The following ATG10 variants were observed in gnomAD, a reference collection of about 807,000 sequenced individuals.
The protein encoded by ATG10 is ubiquitin-like-conjugating enzyme ATG10.
In ATG10, 30 loss-of-function variants were observed where a neutral mutation model predicts 32.1. That is an observed-to-expected ratio of 0.94 (90% CI 0.70 to 1.27). ATG10 has a LOEUF of 1.27. Ranked by LOEUF, ATG10 falls within the 50% of genes most tolerant of loss-of-function variation. ATG10 has a pLI of 0.00. For synonymous variants in ATG10, 87 were observed against 91.5 expected, an observed-to-expected ratio of 0.95 and a Z score of 0.28; for missense variants, 233 against 262.3, an observed-to-expected ratio of 0.89 and a Z score of 0.77.
At chr5:82,143,803 C>T (rs1767242411) in intron 3 of ATG10, among the ~76,000 whole-genome samples, 1 of 152,138 alleles carries the variant, frequency 6.6e-6, no homozygotes, top group Non-Finnish European at 1.5e-5. Context: ...GTTTTCTTTT[C>T]TTGTACTTTC....
intron 3 of ATG10, among the ~76,000 whole-genome samples, chr5:82,137,831 C>T (rs991727148): frequency 2.6e-5 from 4 of 152,198 alleles, no homozygotes; most frequent in African/African-American, 9.7e-5. Context: ...ACCTCTTCCC[C>T]CAGGTGTTCT....
At chr5:82,251,916 C>A (rs1342947962) in intron 5 of ATG10, among the ~76,000 whole-genome samples, 2 of 151,932 alleles carry the variant, frequency 1.3e-5, no homozygotes, top group East Asian at 3.9e-4. Context: ...ATAAAAACAG[C>A]CCTGTAGGCT....
intron 1 of ATG10, among the ~76,000 whole-genome samples, chr5:81,981,192 T>C (rs1761038419): frequency 6.6e-6 from 1 of 152,212 alleles, no homozygotes; most frequent in South Asian, 2.1e-4. Flanking sequence ...TCCAGGTCTT[T>C]TACCAGCCCT....
At chr5:82,123,764 C>CAAAAAAA (rs1178883742) in intron 3 of ATG10, among the ~76,000 whole-genome samples, 2 of 56,810 alleles carry the variant, frequency 3.5e-5, no homozygotes, top group Non-Finnish European at 6.7e-5. Context: ...ACTGTCTGTA[C>CAAAAAAA]AAAAAAAAAA....
chr5:82,236,099 G>A (rs1746541381), intron 5 of ATG10, among the ~76,000 whole-genome samples: 1 of 152,216 alleles, frequency 6.6e-6, no homozygotes. Flanking sequence ...CGCAACAAGT[G>A]CTATTAGGAC....
rs562416447 is a variant in ATG10, at chr5:81,984,518, T to G, written c.-12-3041T>G. 2.0e-5 allele frequency among the ~76,000 whole-genome samples: 3 copies of G among 152,378 alleles called. No homozygotes were observed. The South Asian group carries it at 6.2e-4, about 32-fold the overall frequency. ...ACTGAGAGTTCACTTGAGTGACTGT[T>G]GTCACCTGTAGTCTGAATTTAGTTT... On this transcript the variant is annotated intron_variant, in intron 1 of 7. Transcript: ENST00000282185.
intron 4 of ATG10, among the ~76,000 whole-genome samples, chr5:82,172,711 G>A (rs751541945): frequency 3.3e-5 from 5 of 151,936 alleles, no homozygotes; most frequent in Admixed American, 1.3e-4. Context: ...AACCATATAG[G>A]TTAAATTAAT....
chr5:82,216,782 C>G (rs533916679), intron 5 of ATG10, among the ~76,000 whole-genome samples: 2 of 152,064 alleles, frequency 1.3e-5, no homozygotes, highest in Admixed American at 1.3e-4. Context: ...ACAGGCCAGG[C>G]GCAGTGGCTC....
chr5:82,254,561 G>GAAAAAAAAAAAAAAAAAAAAAAAAAAAAA lies in ATG10; in HGVS notation c.*498_*499insAAAAAAAAAAAAAAAAAAAAAAAAAAAAA, dbSNP rs1484582831. The GAAAAAAAAAAAAAAAAAAAAAAAAAAAAA allele has an allele frequency of 1.7e-5, 2 of 120,782 alleles. 1 individual carries two copies. The highest frequency in any genetic ancestry group is 6.7e-5 in the African/African-American group (2 of 29,662). 7.5% of individuals were successfully genotyped at this position (120,782 alleles called of 1,614,324 possible). ...GTGACAGAGCCAGACACTGTCTCGG[G>GAAAAAAAAAAAAAAAAAAAAAAAAAAAAA]GAAAAAAAAAAAAAAAAAAAGACAC... On this transcript the variant is annotated 3_prime_UTR_variant, in exon 8 of 8. Coordinates refer to ENST00000282185, the MANE Select transcript of ATG10 (RefSeq NM_031482.5).
At chr5:82,143,241 C>A (rs760754891) in intron 3 of ATG10, among the ~76,000 whole-genome samples, 2 of 152,226 alleles carry the variant, frequency 1.3e-5, no homozygotes, top group Non-Finnish European at 2.9e-5. Context: ...TTATCAGGGC[C>A]TTCCTTGTGA....
intron 5 of ATG10, among the ~76,000 whole-genome samples, chr5:82,209,326 A>G (rs1229683758): frequency 6.6e-6 from 1 of 152,140 alleles, no homozygotes; most frequent in East Asian, 1.9e-4. Flanking sequence ...CGTATGTTGA[A>G]ACCTATGCAT....
chr5:82,177,546 G>C (rs934182481), intron 4 of ATG10, among the ~76,000 whole-genome samples: 4 of 152,102 alleles, frequency 2.6e-5, no homozygotes, highest in African/African-American at 7.2e-5. Context: ...GCTCTGAATG[G>C]ATCAAGTTAT....
intron 3 of ATG10, among the ~76,000 whole-genome samples, chr5:82,149,747 A>C (rs573365600): frequency 6.6e-6 from 1 of 152,280 alleles, no homozygotes; most frequent in East Asian, 1.9e-4. Flanking sequence ...TTCTCAGAGA[A>C]AATGCATATT....
intron 3 of ATG10, among the ~76,000 whole-genome samples, chr5:82,158,777 A>C (rs1391013497): frequency 5.3e-5 from 8 of 152,304 alleles, no homozygotes; most frequent in African/African-American, 1.9e-4. Context: ...TATGATGTTC[A>C]GAACATCAGT....
At chr5:82,146,483 TCTCA>T (rs1767364364) in intron 3 of ATG10, among the ~76,000 whole-genome samples, 2 of 152,200 alleles carry the variant, frequency 1.3e-5, no homozygotes, top group South Asian at 4.1e-4. Context: ...AGGAGTTTTC[TCTCA>T]CTATTTCTTT....
At chr5:82,221,278 C>T (rs1379331108) in intron 5 of ATG10, among the ~76,000 whole-genome samples, 1 of 152,278 alleles carries the variant, frequency 6.6e-6, no homozygotes, top group Middle Eastern at 3.4e-3. Flanking sequence ...CAAGGCATCT[C>T]TCTCCTACTG....
At chr5:82,167,065 C>T (rs12517271) in intron 4 of ATG10, among the ~76,000 whole-genome samples, 3,447 of 152,148 alleles carry the variant, frequency 0.023, 74 homozygotes, top group Admixed American at 0.048. Context: ...CTCTGGTTCT[C>T]GAAATGCAAA....
intron 3 of ATG10, among the ~76,000 whole-genome samples, chr5:82,138,992 G>C (rs904502173): frequency 1.3e-5 from 2 of 150,628 alleles, no homozygotes; most frequent in Admixed American, 6.6e-5. Context: ...GCCTGCGATC[G>C]CAGGCACGCG....
Position 81,982,472 on chromosome 5 carries a change from A to G in ATG10, c.-12-5087A>G, listed in dbSNP as rs186408191. Among the ~76,000 whole-genome samples, 238 of 152,020 alleles carry G rather than the reference A, an allele frequency of 1.6e-3. 1 individual carries two copies. The highest frequency in any genetic ancestry group is 5.4e-3 in the African/African-American group (222 of 41,456). ...CCAAAAAACAAAACAAAACAAAACAACTTATACTTTATGACATGAGGAGCG... is the reference window on the plus strand; with the variant it reads ...CCAAAAAACAAAACAAAACAAAACAGCTTATACTTTATGACATGAGGAGCG... On this transcript the variant is annotated intron_variant, in intron 1 of 7. Transcript: ENST00000282185.
Sources: gnomAD v4.1 joint callset for allele counts (sites outside exome capture counted in the v4.1 genomes callset) on GRCh38, gnomAD v4.1.1 for gene constraint, MANE v1.5 for transcripts, NCBI Gene and HGNC (gene_info 2026-07-23, HGNC 2026-07-21) for gene names.